The following VKORC1L1 variants were observed in gnomAD, a reference collection of about 807,000 sequenced individuals.
VKORC1L1 encodes the protein vitamin K epoxide reductase complex subunit 1-like protein 1.
A neutral mutation model predicts 18.9 loss-of-function variants in VKORC1L1; 2 were observed. The ratio of observed to expected loss-of-function variants is 0.11; its 90% CI spans 0.04 to 0.33. The LOEUF (loss-of-function observed/expected upper bound fraction) is 0.33, where lower values mean the gene tolerates loss of function less well. Among genes scored for constraint, VKORC1L1 ranks in the 10% least tolerant of loss-of-function variants. VKORC1L1 has a pLI of 1.00. For synonymous variants in VKORC1L1, 96 were observed against 100.0 expected (o/e 0.96, Z 0.24); for missense variants, 123 against 224.1 (o/e 0.55, Z 2.88).
chr7:65,881,761 G>A (rs1788931785), intron 1 of VKORC1L1, among the ~76,000 whole-genome samples: 1 of 152,222 alleles, frequency 6.6e-6, no homozygotes, highest in Admixed American at 6.5e-5. Flanking sequence ...GTAAATTCCT[G>A]TGATTTATAA....
At chr7:65,898,583 T>A (rs1029012116) in intron 1 of VKORC1L1, among the ~76,000 whole-genome samples, 1 of 152,200 alleles carries the variant, frequency 6.6e-6, no homozygotes, top group Non-Finnish European at 1.5e-5. Context: ...GATGGGAAGA[T>A]ATGCTAACAC....
At chr7:65,949,543 G>C (rs1790179640) in intron 2 of VKORC1L1, among the ~76,000 whole-genome samples, 1 of 151,886 alleles carries the variant, frequency 6.6e-6, no homozygotes, top group Non-Finnish European at 1.5e-5. Context: ...GCTCACACCT[G>C]TAATCCTAGG....
intron 1 of VKORC1L1, among the ~76,000 whole-genome samples, chr7:65,903,592 C>T (rs760834702): frequency 1.3e-5 from 2 of 152,110 alleles, no homozygotes; most frequent in South Asian, 2.1e-4. Flanking sequence ...GGTGACATGG[C>T]GAAAGCCTAT....
chr7:65,910,227 T>G (rs1453913251), intron 1 of VKORC1L1, among the ~76,000 whole-genome samples: 4 of 152,212 alleles, frequency 2.6e-5, no homozygotes. Flanking sequence ...ATATGAACAT[T>G]ATTTTAACAT....
chr7:65,946,483 G>A (rs895175113), intron 1 of VKORC1L1, among the ~76,000 whole-genome samples: 4 of 152,034 alleles, frequency 2.6e-5, no homozygotes, highest in African/African-American at 9.7e-5. Flanking sequence ...CTCTGGAAAT[G>A]CAGAGTCTTA....
intron 1 of VKORC1L1, among the ~76,000 whole-genome samples, chr7:65,917,508 C>T (rs1405590562): frequency 1.3e-5 from 2 of 152,160 alleles, no homozygotes; most frequent in African/African-American, 4.8e-5. Context: ...TGCCTTTGCT[C>T]AGCTACTTAC....
chr7:65,887,512 G>A (rs1397518081), intron 1 of VKORC1L1, among the ~76,000 whole-genome samples: 2 of 151,464 alleles, frequency 1.3e-5, no homozygotes, highest in Non-Finnish European at 2.9e-5. Flanking sequence ...GCCTCCCTCA[G>A]TGATACTAGA....
intron 1 of VKORC1L1, among the ~76,000 whole-genome samples, chr7:65,889,087 ATT>A (rs57828998): frequency 8.0e-5 from 11 of 138,336 alleles, no homozygotes; most frequent in Middle Eastern, 3.6e-3. Flanking sequence ...ACCACTCTCA[ATT>A]TTTTTTTTTT....
intron 1 of VKORC1L1, among the ~76,000 whole-genome samples, chr7:65,925,399 C>A (rs1789745701): frequency 6.6e-6 from 1 of 152,206 alleles, no homozygotes; most frequent in Non-Finnish European, 1.5e-5. Context: ...GAGTTGGTCT[C>A]ACTCTTTCCA....
chr7:65,919,144 C>G (rs573182614), intron 1 of VKORC1L1, among the ~76,000 whole-genome samples: 4 of 152,192 alleles, frequency 2.6e-5, no homozygotes, highest in African/African-American at 9.6e-5. Flanking sequence ...AGCTGTGGTT[C>G]CACTCCAAGA....
chr7:65,867,857 C>CTAT, the VKORC1L1 span, among the ~76,000 whole-genome samples: 1 of 151,950 alleles, frequency 6.6e-6, no homozygotes, highest in South Asian at 2.1e-4. Flanking sequence ...AGAGCACATG[C>CTAT]TATTATTATT....
intron 1 of VKORC1L1, among the ~76,000 whole-genome samples, chr7:65,891,428 T>G (rs945964707): frequency 6.6e-6 from 1 of 152,212 alleles, no homozygotes; most frequent in African/African-American, 2.4e-5. Flanking sequence ...TGATTACTAA[T>G]GAGGTTGACC....
chr7:65,910,706 C>T (rs1226911154), intron 1 of VKORC1L1, among the ~76,000 whole-genome samples: 1 of 151,600 alleles, frequency 6.6e-6, no homozygotes, highest in Non-Finnish European at 1.5e-5. Context: ...TCTTCTGTAT[C>T]ATTAGTTTCC....
At chr7:65,875,304 CAT>C (rs908831199) in intron 1 of VKORC1L1, among the ~76,000 whole-genome samples, 23 of 152,122 alleles carry the variant, frequency 1.5e-4, no homozygotes, top group Non-Finnish European at 2.8e-4. Flanking sequence ...ATCAAAATCA[CAT>C]ATGTATATAT....
chr7:65,909,379 T>C (rs1789462378), intron 1 of VKORC1L1, among the ~76,000 whole-genome samples: 1 of 151,918 alleles, frequency 6.6e-6, no homozygotes, highest in Non-Finnish European at 1.5e-5. Context: ...CGAGATGTCG[T>C]GATGGGAATG....
chr7:65,894,380 G>C (rs1192249800), intron 1 of VKORC1L1, among the ~76,000 whole-genome samples: 2 of 151,466 alleles, frequency 1.3e-5, no homozygotes, highest in Admixed American at 1.3e-4. Context: ...TCTCAATTTT[G>C]TTACACAATT....
intron 1 of VKORC1L1, among the ~76,000 whole-genome samples, chr7:65,909,184 A>C (rs574414504): frequency 1.6e-4 from 22 of 138,824 alleles, no homozygotes; most frequent in African/African-American, 5.6e-4. Flanking sequence ...GGGTTTTGCC[A>C]TGTTAGCCAG....
At chr7:65,881,620 C>T (rs1788928944) in intron 1 of VKORC1L1, among the ~76,000 whole-genome samples, 1 of 152,140 alleles carries the variant, frequency 6.6e-6, no homozygotes, top group Admixed American at 6.5e-5. Flanking sequence ...TACAACCACA[C>T]ACACACATAC....
rs550871013 is a variant in VKORC1L1 at position 65,885,816 on chromosome 7, G to A, written c.194+12251G>A. 3.8e-3 allele frequency among the ~76,000 whole-genome samples: 583 copies of A among 152,068 alleles called. 6 individuals are homozygous for A. Among genetic ancestry groups the A allele is most frequent in the African/African-American group, 0.013 (556 of 41,434 alleles). On this transcript the variant is annotated intron_variant, in intron 1 of 2. Coordinates refer to ENST00000360768, the MANE Select transcript of VKORC1L1 (RefSeq NM_173517.6). ...GTTTGATATCTGATAGGGCAAATAT[G>A]CTCATTTCCAAATTTTTCTTTGCTA...
Sources: gnomAD v4.1 joint callset for allele counts (sites outside exome capture counted in the v4.1 genomes callset) on GRCh38, gnomAD v4.1.1 for gene constraint, MANE v1.5 for transcripts, NCBI Gene and HGNC (gene_info 2026-07-23, HGNC 2026-07-21) for gene names.